Variants in MAGI2 observed in about 807,000 individuals in gnomAD.
MAGI2 encodes membrane associated guanylate kinase, WW and PDZ domain containing 2.
In MAGI2, 35 loss-of-function variants were observed where a neutral mutation model predicts 133.3. The observed-to-expected ratio is 0.26, with a 90% CI of 0.20 to 0.35. The LOEUF (loss-of-function observed/expected upper bound fraction) is 0.35, where lower values mean the gene tolerates loss of function less well. Among genes scored for constraint, MAGI2 ranks in the 10% least tolerant of loss-of-function variants. The pLI, the probability that MAGI2 is intolerant of heterozygous loss-of-function variation, is 1.00. For missense variants in MAGI2, 1,636 were observed against 1,863.4 expected (o/e 0.88, Z 2.25); for synonymous variants, 729 against 710.6 (o/e 1.03, Z -0.41).
At chr7:78,390,254 C>A (rs565568510) in intron 6 of MAGI2, among the ~76,000 whole-genome samples, 17 of 152,156 alleles carry the variant, frequency 1.1e-4, no homozygotes, top group Middle Eastern at 3.4e-3. Flanking sequence ...AAAATACATA[C>A]AAATCAATAG....
chr7:78,974,588 T>C (rs1804072988), intron 2 of MAGI2, among the ~76,000 whole-genome samples: 1 of 152,052 alleles, frequency 6.6e-6, no homozygotes, highest in Admixed American at 6.6e-5. Flanking sequence ...CTAAATTTGC[T>C]AACTTAAATA....
intron 2 of MAGI2, among the ~76,000 whole-genome samples, chr7:78,849,376 A>G (rs1792925583): frequency 6.6e-6 from 1 of 152,056 alleles, no homozygotes; most frequent in Non-Finnish European, 1.5e-5. Context: ...CAAAAATCCT[A>G]CCACATTCCA....
chr7:78,225,195 C>G lies in MAGI2; in HGVS notation c.2048-24002G>C, dbSNP rs74632624. On this transcript the variant is annotated intron_variant, in intron 10 of 21. Transcript: ENST00000354212. ...AGCCTTTCAGCTTGAATTCTTACCC[C>G]CTTATTTTCTGAGATTCCAAGTTTT... is the stretch of plus-strand genomic sequence containing the variant. 1.0e-3 allele frequency among the ~76,000 whole-genome samples: 152 copies of G among 152,254 alleles called. 1 individual carries two copies. Among genetic ancestry groups the G allele is most frequent in the African/African-American group, 3.4e-3 (143 of 41,550 alleles).
chr7:78,371,830 TTA>T (rs1237937390), intron 6 of MAGI2, among the ~76,000 whole-genome samples: 1 of 152,088 alleles, frequency 6.6e-6, no homozygotes. Flanking sequence ...TGAAACAAAA[TTA>T]TATGTCATAC....
At chr7:79,191,262 G>A (rs937857094) in intron 1 of MAGI2, among the ~76,000 whole-genome samples, 1 of 151,408 alleles carries the variant, frequency 6.6e-6, no homozygotes, top group Non-Finnish European at 1.5e-5. Flanking sequence ...AGAATAATTT[G>A]AAAGAGTTTA....
At chr7:78,542,119 T>G (rs1019383914) in intron 3 of MAGI2, among the ~76,000 whole-genome samples, 1 of 152,226 alleles carries the variant, frequency 6.6e-6, no homozygotes, top group Non-Finnish European at 1.5e-5. Flanking sequence ...ATATTTGAAT[T>G]TCATGTGATT....
intron 1 of MAGI2, among the ~76,000 whole-genome samples, chr7:79,376,132 T>C (rs1228707591): frequency 6.6e-6 from 1 of 151,864 alleles, no homozygotes; most frequent in African/African-American, 2.4e-5. Context: ...GTTTATATAG[T>C]AGTTCCCCTT....
chr7:79,164,714 A>G (rs564166778), intron 1 of MAGI2, among the ~76,000 whole-genome samples: 1 of 152,164 alleles, frequency 6.6e-6, no homozygotes, highest in South Asian at 2.1e-4. Context: ...ACCTTGACAC[A>G]TTGAATTGCC....
intron 1 of MAGI2, among the ~76,000 whole-genome samples, chr7:79,153,247 T>C (rs1823440078): frequency 6.6e-6 from 1 of 152,178 alleles, no homozygotes; most frequent in South Asian, 2.1e-4. Context: ...GCCATTTATT[T>C]CATGTCTTCA....
intron 1 of MAGI2, among the ~76,000 whole-genome samples, chr7:79,317,996 A>T (rs1838873600): frequency 6.6e-6 from 1 of 151,050 alleles, no homozygotes. Context: ...CTGCCTCAAA[A>T]CTCTTCCCTC....
intron 3 of MAGI2, among the ~76,000 whole-genome samples, chr7:78,619,658 G>A (rs1053078623): frequency 1.6e-4 from 25 of 151,874 alleles, no homozygotes; most frequent in East Asian, 9.6e-4. Context: ...AACTGAAAGC[G>A]AATTGTACTT....
intron 2 of MAGI2, among the ~76,000 whole-genome samples, chr7:78,861,134 C>T (rs1794124788): frequency 6.6e-6 from 1 of 152,152 alleles, no homozygotes. Flanking sequence ...TTTCCAGGTA[C>T]CATCTGTGAA....
intron 6 of MAGI2, among the ~76,000 whole-genome samples, chr7:78,432,169 A>G (rs532465039): frequency 6.6e-6 from 1 of 151,862 alleles, no homozygotes; most frequent in East Asian, 1.9e-4. Flanking sequence ...CTAGCTAAAC[A>G]TTCTGTACAT....
chr7:78,399,668 G>C (rs1050720016), intron 6 of MAGI2, among the ~76,000 whole-genome samples: 1 of 151,992 alleles, frequency 6.6e-6, no homozygotes, highest in Non-Finnish European at 1.5e-5. Context: ...AGCTAGGCAT[G>C]GTGGCACATG....
At chr7:78,957,895 G>T (rs1030806813) in intron 2 of MAGI2, among the ~76,000 whole-genome samples, 1 of 152,036 alleles carries the variant, frequency 6.6e-6, no homozygotes, top group African/African-American at 2.4e-5. Context: ...TGACTCAGAG[G>T]TTCCACAATT....
chr7:78,788,897 C>T (rs961727815), intron 2 of MAGI2, among the ~76,000 whole-genome samples: 2 of 152,134 alleles, frequency 1.3e-5, no homozygotes. Flanking sequence ...TCCCTGGAGA[C>T]CATGTAAGGT....
At chr7:79,120,658 A>C (rs989159383) in intron 1 of MAGI2, among the ~76,000 whole-genome samples, 1 of 152,208 alleles carries the variant, frequency 6.6e-6, no homozygotes, top group African/African-American at 2.4e-5. Context: ...TCTAACAAGT[A>C]GAAGATGAGA....
At chr7:78,914,856 C>T (rs1799022) in intron 2 of MAGI2, among the ~76,000 whole-genome samples, 51,681 of 151,848 alleles carry the variant, frequency 0.34, 9,182 homozygotes, top group South Asian at 0.43. Flanking sequence ...ATTAACTTGA[C>T]AATGTCAAAG....
chr7:78,416,701 T>C (rs761799158), intron 6 of MAGI2, among the ~76,000 whole-genome samples: 1 of 152,140 alleles, frequency 6.6e-6, no homozygotes, highest in Admixed American at 6.6e-5. Flanking sequence ...TGGGAAGTGA[T>C]TAAGTCATAA....
Sources: allele counts gnomAD v4.1 joint callset (sites outside exome capture counted in the v4.1 genomes callset), GRCh38; gene constraint gnomAD v4.1.1; transcripts MANE v1.5; gene names NCBI Gene and HGNC (gene_info 2026-07-23, HGNC 2026-07-21).